Variants in DLG1 observed in about 807,000 individuals in gnomAD.
DLG1 encodes disks large homolog 1.
DLG1 carries 42 observed loss-of-function variants against 123.4 expected under a neutral mutation model. That is an observed-to-expected ratio of 0.34 (90% CI 0.27 to 0.44). DLG1 has a LOEUF of 0.44. Ranked by LOEUF, DLG1 falls within the 20% of genes least tolerant of loss-of-function variation. The pLI, the probability that DLG1 is intolerant of heterozygous loss-of-function variation, is 1.00. For synonymous variants in DLG1, 317 were observed against 356.2 expected, an observed-to-expected ratio of 0.89 and a Z score of 1.24; for missense variants, 942 against 1,082.6, an observed-to-expected ratio of 0.87 and a Z score of 1.82.
chr3:197,145,055 TCACACACACACA>T (rs34377415), intron 6 of DLG1, among the ~76,000 whole-genome samples: 2 of 148,634 alleles, frequency 1.3e-5, no homozygotes, highest in South Asian at 2.2e-4. Flanking sequence ...TCTCTCTCTC[TCACACACACACA>T]CACACACACA....
intron 5 of DLG1, among the ~76,000 whole-genome samples, chr3:197,189,193 AAAGATT>A (rs1717830463): frequency 6.6e-6 from 1 of 152,236 alleles, no homozygotes; most frequent in Non-Finnish European, 1.5e-5. Flanking sequence ...TTTCATGTCC[AAAGATT>A]ACTCATTGCA....
intron 16 of DLG1, among the ~76,000 whole-genome samples, chr3:197,081,647 A>ATG (rs201049386): frequency 0.014 from 2,106 of 151,912 alleles, 42 homozygotes; most frequent in African/African-American, 0.045. Flanking sequence ...TTAATGATAT[A>ATG]TGTGTGTGTG....
At chr3:197,290,638 C>T (rs989252507) in intron 3 of DLG1, among the ~76,000 whole-genome samples, 1 of 152,076 alleles carries the variant, frequency 6.6e-6, no homozygotes, top group Non-Finnish European at 1.5e-5. Context: ...GAAGGAACTG[C>T]GTTTTTCAAA....
intron 4 of DLG1, among the ~76,000 whole-genome samples, chr3:197,230,011 T>C (rs1742061497): frequency 6.6e-6 from 1 of 152,200 alleles, no homozygotes; most frequent in African/African-American, 2.4e-5. Flanking sequence ...TTTTCAACAA[T>C]TAATAAATGC....
intron 21 of DLG1, 115 bp downstream of exon 21, chr3:197,065,593 A>T (rs1012104024): frequency 3.1e-6 from 3 of 981,202 alleles, no homozygotes; most frequent in Non-Finnish European, 3.1e-6. Context: ...AGGATGGAAG[A>T]GTAACTGATA....
In DLG1 at chr3:197,268,674, G is replaced by A. The variant is rs568933630; in HGVS notation, c.318+14005C>T. On this transcript the variant is annotated intron_variant, in intron 4 of 24. Coordinates refer to ENST00000667157, the MANE Select transcript of DLG1 (RefSeq NM_001366207.1). Reference sequence around the variant, plus strand: ...ATAGAAAAATGTTTTTCTTTCTTCAGTAATAAATTAACCTTGGCTTACTGT... The same window carrying A: ...ATAGAAAAATGTTTTTCTTTCTTCAATAATAAATTAACCTTGGCTTACTGT... Among the ~76,000 whole-genome samples the A allele has an allele frequency of 4.3e-4, 66 of 151,774 alleles. 1 individual carries two copies. The highest frequency in any genetic ancestry group is 4.2e-3 in the South Asian group (20 of 4,798).
chr3:197,154,102 A>C (rs1795221528), intron 5 of DLG1, among the ~76,000 whole-genome samples: 1 of 152,024 alleles, frequency 6.6e-6, no homozygotes, highest in Admixed American at 6.6e-5. Flanking sequence ...GGAGTTTGAG[A>C]CCAGCCTGGC....
At chr3:197,127,376 T>C (rs1211935216) in intron 11 of DLG1, among the ~76,000 whole-genome samples, 5 of 128,954 alleles carry the variant, frequency 3.9e-5, no homozygotes, top group Non-Finnish European at 7.8e-5. Context: ...TGAGCTGAGA[T>C]TGCACCACTG....
intron 10 of DLG1, among the ~76,000 whole-genome samples, chr3:197,132,194 C>T (rs1338528765): frequency 1.3e-5 from 2 of 151,708 alleles, no homozygotes; most frequent in African/African-American, 4.8e-5. Context: ...TGTCTTCTTA[C>T]ATCTTTTCTA....
Position 197,044,343 on chromosome 3 carries a change from G to A in DLG1, c.*280C>T. On this transcript the variant is annotated 3_prime_UTR_variant, in exon 25 of 25. Coordinates refer to ENST00000667157, the MANE Select transcript of DLG1 (RefSeq NM_001366207.1). ...AAGTTACTTTCCCTTAAACATTAAGGAATTTTACCACAATTTCTGCGTCTC... is the reference window on the plus strand; with the variant it reads ...AAGTTACTTTCCCTTAAACATTAAGAAATTTTACCACAATTTCTGCGTCTC... 3.8e-6 allele frequency: 1 copy of A among 266,362 alleles called. No homozygotes were observed. Among genetic ancestry groups the A allele is most frequent in the Admixed American group, 5.2e-5 (1 of 19,176 alleles). 16.5% of individuals were successfully genotyped at this position (266,362 alleles called of 1,614,324 possible).
intron 5 of DLG1, among the ~76,000 whole-genome samples, chr3:197,184,331 CTG>C (rs142094999): frequency 0.14 from 20,651 of 152,156 alleles, 1,764 homozygotes; most frequent in South Asian, 0.35. Context: ...TAAATATGAA[CTG>C]AATTAAAACA....
At chr3:197,151,990 T>C (rs1440656395) in intron 5 of DLG1, among the ~76,000 whole-genome samples, 2 of 152,214 alleles carry the variant, frequency 1.3e-5, no homozygotes, top group African/African-American at 4.8e-5. Context: ...TCTAAGTGAA[T>C]TATAGAGCTT....
chr3:197,206,558 C>T (rs1728612185), intron 4 of DLG1, among the ~76,000 whole-genome samples: 1 of 152,158 alleles, frequency 6.6e-6, no homozygotes, highest in Admixed American at 6.5e-5. Flanking sequence ...GCCTCAGCCT[C>T]CCAAAGTGTT....
At position 197,282,731 on chromosome 3, in the gene DLG1, C is replaced by G. The variant is rs747579335; in HGVS notation, c.266G>C (p.Ser89Thr). ...CAGTGTCTCTGAAGTCACAGTAGAGCTTGGAAGGCTGGAAATCTCCCAAGT... is the reference window on the plus strand; with the variant it reads ...CAGTGTCTCTGAAGTCACAGTAGAGGTTGGAAGGCTGGAAATCTCCCAAGT... Reference protein sequence around the residue: ...VNTWEISSLPSSTVTSETLPS... With the variant: ...VNTWEISSLPTSTVTSETLPS... The change falls in exon 4 of 25, where the codon AGC (serine) becomes ACC (threonine). Residue 89 changes from serine (S) to threonine (T), a missense_variant. Ser to Thr is a moderately conservative substitution (Grantham distance 58, BLOSUM62 1). Transcript: ENST00000667157. 36 of 1,612,288 alleles carry G rather than the reference C, an allele frequency of 2.2e-5. No homozygotes were observed. The highest frequency in any genetic ancestry group is 1.3e-5 in the African/African-American group (1 of 74,890).
intron 22 of DLG1, among the ~76,000 whole-genome samples, chr3:197,060,364 G>A (rs1017317461): frequency 4.0e-4 from 61 of 152,114 alleles, no homozygotes; most frequent in African/African-American, 4.3e-4. Flanking sequence ...AACTCCTGGG[G>A]CTCAAGTGAT....
chr3:197,128,861 C>A (rs961219446), intron 11 of DLG1, among the ~76,000 whole-genome samples: 1 of 151,784 alleles, frequency 6.6e-6, no homozygotes, highest in Non-Finnish European at 1.5e-5. Flanking sequence ...TTTTTCTGAG[C>A]AGCAGGTCTC....
chr3:197,242,585 A>G (rs2150751365), intron 4 of DLG1, among the ~76,000 whole-genome samples: 1 of 152,206 alleles, frequency 6.6e-6, no homozygotes, highest in South Asian at 2.1e-4. Flanking sequence ...CATATCAAAT[A>G]TCTTTTCTGA....
chr3:197,049,677 G>A lies in DLG1; in HGVS notation c.2575+1900C>T, dbSNP rs566982150. 2.4e-3 allele frequency among the ~76,000 whole-genome samples: 324 copies of A among 132,250 alleles called. 5 individuals carry two copies. The highest frequency in any genetic ancestry group is 7.3e-3 in the African/African-American group (302 of 41,106). 86.8% of individuals were successfully genotyped at this position (132,250 alleles called of 152,430 possible). A position where few individuals can be genotyped will look rare whatever the true frequency, so the allele number is the denominator to read the frequency against. On this transcript the variant is annotated intron_variant, in intron 24 of 24. Coordinates refer to ENST00000667157, the MANE Select transcript of DLG1 (RefSeq NM_001366207.1). ...TGAGGCAGGAGAATCGCTTGAACCC[G>A]GGAGGTTGTGGTGAGCTGAGATCAT...
At position 197,268,040 on chromosome 3, in the gene DLG1, T is replaced by C. The variant is rs561268515; in HGVS notation, c.318+14639A>G. On this transcript the variant is annotated intron_variant, in intron 4 of 24. Transcript: ENST00000667157. ...ATTCTCTGATATGACTTTCACATAA[T>C]TGAAAACATATAAAGTTAGGAAATT... is the stretch of plus-strand genomic sequence containing the variant. Among the ~76,000 whole-genome samples, 38 of 152,282 alleles carry C rather than the reference T, an allele frequency of 2.5e-4. 1 individual carries two copies. Among genetic ancestry groups the C allele is most frequent in the African/African-American group, 8.9e-4 (37 of 41,554 alleles).
Sources: gnomAD v4.1 joint callset for allele counts (sites outside exome capture counted in the v4.1 genomes callset) on GRCh38, gnomAD v4.1.1 for gene constraint, MANE v1.5 for transcripts, NCBI Gene and HGNC (gene_info 2026-07-23, HGNC 2026-07-21) for gene names.